The following MAN1A1 variants were observed in gnomAD, a reference collection of about 807,000 sequenced individuals.
MAN1A1 encodes the protein mannosyl-oligosaccharide 1,2-alpha-mannosidase IA.
A neutral mutation model predicts 70.8 loss-of-function variants in MAN1A1; 29 were observed. The ratio of observed to expected loss-of-function variants is 0.41; its 90% CI spans 0.31 to 0.56. The LOEUF is 0.56. MAN1A1 is among the 20% of genes least tolerant of loss of function. The probability of loss-of-function intolerance (pLI) is 0.29; values close to 1 mark genes in which losing one functional copy is unlikely to be tolerated. For synonymous variants in MAN1A1, 349 were observed against 330.1 expected (o/e 1.06, Z -0.62); for missense variants, 747 against 841.3 (o/e 0.89, Z 1.39).
chr6:119,317,456 T>C (rs1478885226), intron 2 of MAN1A1, among the ~76,000 whole-genome samples: 7 of 152,206 alleles, frequency 4.6e-5, no homozygotes, highest in African/African-American at 1.2e-4. Flanking sequence ...CAAAATATAA[T>C]TGGAATCACA....
chr6:119,349,723 G>C lies in MAN1A1; in HGVS notation c.-404C>G, dbSNP rs1773851263. On this transcript the variant is annotated 5_prime_UTR_variant, in exon 1 of 13. Coordinates refer to ENST00000368468, the MANE Select transcript of MAN1A1 (RefSeq NM_005907.4). ...ACCTGCGGGCGAATGGCAGCGAGTAGAGCAGCACGGTACACTCCGCCGCGG... is the reference window on the plus strand; with the variant it reads ...ACCTGCGGGCGAATGGCAGCGAGTACAGCAGCACGGTACACTCCGCCGCGG... The C allele has an allele frequency of 1.0e-6, 1 of 985,718 alleles. No homozygotes were observed. The highest frequency in any genetic ancestry group is 1.2e-6 in the Non-Finnish European group (1 of 830,120). The allele number at this position is 985,718 out of a possible 1,614,324, so 61.1% of individuals were successfully genotyped here. A position where few individuals can be genotyped will look rare whatever the true frequency, so the allele number is the denominator to read the frequency against.
intron 2 of MAN1A1, among the ~76,000 whole-genome samples, chr6:119,345,619 G>A (rs1210846570): frequency 3.9e-5 from 6 of 152,158 alleles, no homozygotes; most frequent in Non-Finnish European, 7.4e-5. Context: ...ATCTACTGCA[G>A]TACTAGTAAC....
chr6:119,342,386 T>C lies in MAN1A1; in HGVS notation c.603+6077A>G, dbSNP rs557264988. ...TTTAGGTGGTGACCAGTAACAGCAA[T>C]AATCACAAGCAGCATTTGTTGTGTG... is the stretch of plus-strand genomic sequence containing the variant. On this transcript the variant is annotated intron_variant, in intron 2 of 12. Transcript: ENST00000368468. Among the ~76,000 whole-genome samples the C allele has an allele frequency of 7.9e-5, 12 of 152,326 alleles. 1 individual carries two copies. In the South Asian group the frequency reaches 2.5e-3, roughly 32 times the overall value.
intron 3 of MAN1A1, among the ~76,000 whole-genome samples, chr6:119,303,479 T>G (rs762490023): frequency 2.7e-4 from 41 of 152,204 alleles, no homozygotes; most frequent in Admixed American, 2.6e-3. Context: ...GATGTAACCT[T>G]GAAACAAACT....
chr6:119,226,616 T>C (rs1391135034), intron 6 of MAN1A1, among the ~76,000 whole-genome samples: 1 of 152,210 alleles, frequency 6.6e-6, no homozygotes, highest in Non-Finnish European at 1.5e-5. Context: ...ATTCCATTCA[T>C]AGGCATCTAC....
At chr6:119,347,347 C>T (rs1041637433) in intron 2 of MAN1A1, among the ~76,000 whole-genome samples, 1 of 152,298 alleles carries the variant, frequency 6.6e-6, no homozygotes, top group South Asian at 2.1e-4. Flanking sequence ...TCCTGATTAC[C>T]TACCCAATAT....
intron 2 of MAN1A1, among the ~76,000 whole-genome samples, chr6:119,330,291 C>A (rs1773273570): frequency 6.6e-6 from 1 of 152,118 alleles, no homozygotes; most frequent in East Asian, 1.9e-4. Flanking sequence ...AAACCACATC[C>A]ATTACCCCTC....
At chr6:119,241,311 C>T (rs1429251843) in intron 6 of MAN1A1, among the ~76,000 whole-genome samples, 2 of 152,168 alleles carry the variant, frequency 1.3e-5, no homozygotes, top group Non-Finnish European at 2.9e-5. Flanking sequence ...AAACAGAACA[C>T]AGGCCCTACT....
At chr6:119,225,306 G>A (rs1051622261) in intron 6 of MAN1A1, among the ~76,000 whole-genome samples, 5 of 152,104 alleles carry the variant, frequency 3.3e-5, no homozygotes, top group African/African-American at 1.2e-4. Flanking sequence ...GGAGGTTGAG[G>A]TGGGAGGATC....
At chr6:119,319,386 T>C (rs560171221) in intron 2 of MAN1A1, among the ~76,000 whole-genome samples, 3 of 149,744 alleles carry the variant, frequency 2.0e-5, no homozygotes, top group African/African-American at 7.3e-5. Flanking sequence ...ATAATAATAA[T>C]AATAATCATC....
Position 119,188,588 on chromosome 6 carries a change from T to G in MAN1A1, c.1547-11A>C. The stretch of plus-strand genomic sequence containing the variant: ...GTCCCAGTTTCATAACTAAAGGACA[T>G]GGAATGAATGAATAAGGGTTATTTT... On this transcript the variant is annotated splice_polypyrimidine_tract_variant and intron_variant, in intron 10 of 12. Coordinates refer to ENST00000368468, the MANE Select transcript of MAN1A1 (RefSeq NM_005907.4). The G allele has an allele frequency of 6.2e-7, 1 of 1,609,202 alleles. No individual in the cohort carries two copies. The highest frequency in any genetic ancestry group is 8.5e-7 in the Non-Finnish European group (1 of 1,178,068).
intron 3 of MAN1A1, among the ~76,000 whole-genome samples, chr6:119,303,368 T>C (rs1772445907): frequency 6.6e-6 from 1 of 152,196 alleles, no homozygotes; most frequent in Non-Finnish European, 1.5e-5. Flanking sequence ...TTCCTTATGG[T>C]GTCCTGTGGA....
intron 6 of MAN1A1, among the ~76,000 whole-genome samples, chr6:119,220,419 T>G (rs187503099): frequency 1.3e-5 from 2 of 152,340 alleles, no homozygotes; most frequent in African/African-American, 4.8e-5. Context: ...TAAAATGGTT[T>G]AAGTTTCCTT....
chr6:119,187,161 G>A (rs1254292676), intron 11 of MAN1A1, among the ~76,000 whole-genome samples: 1 of 152,122 alleles, frequency 6.6e-6, no homozygotes. Flanking sequence ...TAAAATGGAT[G>A]TCATAACTTA....
At chr6:119,260,599 T>C (rs1217634938) in intron 5 of MAN1A1, among the ~76,000 whole-genome samples, 2 of 152,214 alleles carry the variant, frequency 1.3e-5, no homozygotes, top group Admixed American at 6.5e-5. Context: ...TGGCTATACT[T>C]TGCTAATCCC....
intron 5 of MAN1A1, among the ~76,000 whole-genome samples, chr6:119,259,517 T>C (rs1775549607): frequency 1.3e-5 from 2 of 152,234 alleles, no homozygotes; most frequent in African/African-American, 4.8e-5. Context: ...TGTAAACCTA[T>C]CCAGTACACA....
chr6:119,224,066 T>C (rs1366741082), intron 6 of MAN1A1, among the ~76,000 whole-genome samples: 4 of 152,144 alleles, frequency 2.6e-5, no homozygotes. Context: ...AGCTGAAAGA[T>C]CAGGGTGGAA....
intron 2 of MAN1A1, among the ~76,000 whole-genome samples, chr6:119,317,831 A>G (rs1772896263): frequency 1.3e-5 from 2 of 152,126 alleles, no homozygotes; most frequent in Admixed American, 6.5e-5. Context: ...TAGAATTCAT[A>G]AAAATAGATT....
chr6:119,210,870 G>T (rs1435624278), intron 6 of MAN1A1: 1 of 455,008 alleles, frequency 2.2e-6, no homozygotes, highest in East Asian at 7.0e-5. Flanking sequence ...TTCCAGTGTG[G>T]GCCAATGATA....
Sources: allele counts gnomAD v4.1 joint callset (sites outside exome capture counted in the v4.1 genomes callset), GRCh38; gene constraint gnomAD v4.1.1; transcripts MANE v1.5; gene names NCBI Gene and HGNC (gene_info 2026-07-23, HGNC 2026-07-21).